The following LRP1B variants were observed in gnomAD, a reference collection of about 807,000 sequenced individuals.
The protein encoded by LRP1B is LDL receptor related protein 1B.
Under a neutral mutation model 556.6 loss-of-function variants are expected in LRP1B, and 217 were observed. The ratio of observed to expected loss-of-function variants is 0.39; its 90% CI spans 0.35 to 0.44. The LOEUF is 0.44. LRP1B is among the 20% of genes least tolerant of loss of function. The pLI is 1.00. For synonymous variants in LRP1B, 2,047 were observed against 1,865.8 expected, an observed-to-expected ratio of 1.10 and a Z score of -2.50; for missense variants, 5,053 against 5,620.8, an observed-to-expected ratio of 0.90 and a Z score of 3.23.
At chr2:140,999,897 C>T (rs1446344618) in intron 15 of LRP1B, among the ~76,000 whole-genome samples, 1 of 151,876 alleles carries the variant, frequency 6.6e-6, no homozygotes, top group African/African-American at 2.4e-5. Flanking sequence ...GAGAAGGTGA[C>T]AGGACTATTT....
chr2:140,649,419 A>T (rs943495211), intron 41 of LRP1B, among the ~76,000 whole-genome samples: 4 of 152,194 alleles, frequency 2.6e-5, no homozygotes, highest in Non-Finnish European at 5.9e-5. Flanking sequence ...GGGGAAAAAA[A>T]AAGTTGAAGT....
At chr2:140,642,313 T>C (rs1415984859) in intron 41 of LRP1B, among the ~76,000 whole-genome samples, 2 of 152,222 alleles carry the variant, frequency 1.3e-5, no homozygotes. Flanking sequence ...GCTACACGCC[T>C]ATGCTTCATC....
rs1003125539 is a variant in LRP1B at position 141,770,902 on chromosome 2, G to C, written c.205+39377C>G. Among the ~76,000 whole-genome samples, 7 of 152,194 alleles carry C rather than the reference G, an allele frequency of 4.6e-5. 1 individual carries two copies. The highest frequency in any genetic ancestry group is 3.9e-4 in the Admixed American group (6 of 15,290). On this transcript the variant is annotated intron_variant, in intron 2 of 90. Transcript: ENST00000389484. ...ATTATAATTGCAAAAATAGCCCTCAGCTTCTCCAGCTGGTTGTTAACAGCT... is the reference window on the plus strand; with the variant it reads ...ATTATAATTGCAAAAATAGCCCTCACCTTCTCCAGCTGGTTGTTAACAGCT...
Position 140,525,826 on chromosome 2 carries a change from T to C in LRP1B, c.8026+18A>G, listed in dbSNP as rs773932110. ...ATCTCCAAGGCAAAGCCTGTGTTTT[T>C]CTAAATTCTAGTATTACCTGGGCAC... is the stretch of plus-strand genomic sequence containing the variant. On this transcript the variant is annotated intron_variant, in intron 49 of 90. Transcript: ENST00000389484. 6.2e-7 allele frequency: 1 copy of C among 1,606,452 alleles called. No homozygotes were observed. The highest frequency in any genetic ancestry group is 2.2e-5 in the East Asian group (1 of 44,800).
chr2:141,597,755 T>C (rs1027945619), intron 2 of LRP1B, among the ~76,000 whole-genome samples: 12 of 152,100 alleles, frequency 7.9e-5, no homozygotes, highest in African/African-American at 2.7e-4. Context: ...AAGGTACTTA[T>C]GTAGTTTTTC....
At chr2:142,077,517 CA>C (rs1294435503) in intron 1 of LRP1B, among the ~76,000 whole-genome samples, 1 of 152,002 alleles carries the variant, frequency 6.6e-6, no homozygotes. Flanking sequence ...TATTTATGAA[CA>C]AAAATGTCTA....
intron 11 of LRP1B, among the ~76,000 whole-genome samples, chr2:141,031,295 A>G (rs1698364489): frequency 2.0e-5 from 3 of 151,352 alleles, no homozygotes; most frequent in Admixed American, 2.0e-4. Context: ...ATACATATAT[A>G]TATAAAGAGA....
At chr2:141,517,004 TAAAAAAAA>T (rs71391654) in intron 2 of LRP1B, among the ~76,000 whole-genome samples, 682 of 11,724 alleles carry the variant, frequency 0.058, 29 homozygotes, top group African/African-American at 0.13. Context: ...GCCCGTCTCT[TAAAAAAAA>T]AAAAAAAAAA....
chr2:141,609,947 A>G (rs1266034892), intron 2 of LRP1B, among the ~76,000 whole-genome samples: 1 of 152,242 alleles, frequency 6.6e-6, no homozygotes, highest in African/African-American at 2.4e-5. Context: ...GTACAGTACT[A>G]AAATGCCAAA....
At chr2:141,811,361 T>C (rs1696350591) in intron 1 of LRP1B, among the ~76,000 whole-genome samples, 1 of 152,064 alleles carries the variant, frequency 6.6e-6, no homozygotes, top group Non-Finnish European at 1.5e-5. Context: ...GTGAGCTCTT[T>C]CAATAAATAT....
chr2:141,756,609 CATT>C (rs1465647312), intron 2 of LRP1B, among the ~76,000 whole-genome samples: 1 of 150,840 alleles, frequency 6.6e-6, no homozygotes, highest in Non-Finnish European at 1.5e-5. Flanking sequence ...ACATTTGAAA[CATT>C]GTTGGAAAAC....
intron 3 of LRP1B, among the ~76,000 whole-genome samples, chr2:141,475,232 T>C (rs1302182508): frequency 1.3e-5 from 2 of 152,016 alleles, no homozygotes; most frequent in Non-Finnish European, 2.9e-5. Context: ...AATTAGCTGT[T>C]GGCACAGGCC....
intron 2 of LRP1B, among the ~76,000 whole-genome samples, chr2:141,648,412 A>G (rs940776787): frequency 1.3e-5 from 2 of 152,208 alleles, no homozygotes; most frequent in African/African-American, 2.4e-5. Context: ...TCTTTCAAGT[A>G]CAAGTATCAT....
intron 43 of LRP1B, among the ~76,000 whole-genome samples, chr2:140,586,227 G>A (rs1464262985): frequency 6.6e-6 from 1 of 152,096 alleles, no homozygotes; most frequent in East Asian, 1.9e-4. Context: ...GGTATCTTGG[G>A]ACCAAGAAAT....
intron 25 of LRP1B, among the ~76,000 whole-genome samples, chr2:140,870,669 T>C (rs778138722): frequency 1.2e-4 from 18 of 152,162 alleles, no homozygotes; most frequent in Non-Finnish European, 2.4e-4. Flanking sequence ...TGTTGATAAA[T>C]GGTAAAATTA....
intron 1 of LRP1B, among the ~76,000 whole-genome samples, chr2:141,977,169 G>A (rs577654087): frequency 6.6e-6 from 1 of 152,102 alleles, no homozygotes; most frequent in East Asian, 1.9e-4. Context: ...TTTTGGAGAG[G>A]AATTAACAGC....
At chr2:141,041,405 C>A (rs1433693419) in intron 11 of LRP1B, among the ~76,000 whole-genome samples, 1 of 152,090 alleles carries the variant, frequency 6.6e-6, no homozygotes, top group Non-Finnish European at 1.5e-5. Context: ...TGGGGAGTCT[C>A]AGGAAGAGTC....
intron 3 of LRP1B, among the ~76,000 whole-genome samples, chr2:141,349,873 T>C (rs1182748349): frequency 6.6e-6 from 1 of 152,076 alleles, no homozygotes; most frequent in Non-Finnish European, 1.5e-5. Context: ...AATATAATGG[T>C]TGTTGTATTA....
chr2:140,600,203 T>G (rs1359654659), intron 42 of LRP1B, among the ~76,000 whole-genome samples: 13 of 152,090 alleles, frequency 8.5e-5, no homozygotes, highest in Admixed American at 7.2e-4. Flanking sequence ...ACTTACAAAT[T>G]CCTTTGCCCA....
Sources: allele counts gnomAD v4.1 joint callset (sites outside exome capture counted in the v4.1 genomes callset), GRCh38; gene constraint gnomAD v4.1.1; transcripts MANE v1.5; gene names NCBI Gene and HGNC (gene_info 2026-07-23, HGNC 2026-07-21).